Variants in SP1 observed in about 807,000 individuals in gnomAD.
SP1 encodes the protein Sp1 transcription factor, also known as transcription factor Sp1.
Under a neutral mutation model 66.3 loss-of-function variants are expected in SP1, and 6 were observed. The observed-to-expected ratio is 0.09, with a 90% CI of 0.05 to 0.18. SP1 has a LOEUF of 0.18. SP1 is among the 10% of genes least tolerant of loss of function. SP1 has a pLI of 1.00. For synonymous variants in SP1, 417 were observed against 360.8 expected, an observed-to-expected ratio of 1.16 and a Z score of -1.77; for missense variants, 848 against 964.5, an observed-to-expected ratio of 0.88 and a Z score of 1.60.
chr12:53,390,632 G>A (rs1592560217), intron 3 of SP1, among the ~76,000 whole-genome samples: 2 of 152,092 alleles, frequency 1.3e-5, no homozygotes, highest in South Asian at 2.1e-4. Context: ...GCAGTGAGCC[G>A]GGATCGCACC....
intron 3 of SP1, among the ~76,000 whole-genome samples, chr12:53,390,554 G>A (rs1592560169): frequency 6.6e-6 from 1 of 152,024 alleles, no homozygotes; most frequent in Admixed American, 6.6e-5. Context: ...ATGGCGGCGC[G>A]CACCTGTAGT....
intron 4 of SP1, among the ~76,000 whole-genome samples, chr12:53,407,951 T>A (rs1013270213): frequency 2.1e-5 from 3 of 143,418 alleles, no homozygotes; most frequent in Non-Finnish European, 3.0e-5. Flanking sequence ...TTTTTTTTTT[T>A]AAGACAGATC....
intron 2 of SP1, 74 bp from the exon 3 acceptor site, chr12:53,382,036 A>G (rs1330442156): frequency 6.3e-6 from 9 of 1,420,210 alleles, no homozygotes; most frequent in East Asian, 2.3e-5. Context: ...GTTGCTGTTT[A>G]TTTGTTGTAT....
chr12:53,406,624 G>T lies in SP1; in HGVS notation c.1715G>T (p.Gly572Val). 1 of 1,614,042 alleles carries T rather than the reference G, an allele frequency of 6.2e-7. No homozygotes were observed. The highest frequency in any genetic ancestry group is 8.5e-7 in the Non-Finnish European group (1 of 1,179,996). The change falls in exon 4 of 6, where the codon GGT (glycine) becomes GTT (valine). Residue 572 changes from glycine to valine, a missense_variant. By Grantham distance (109) the Gly-to-Val change is moderately radical. Transcript: ENST00000327443. The stretch of plus-strand genomic sequence containing the variant: ...CAGCTTGGTCTCCATGGGGCTGGTG[G>T]TGATGGAATACATGATGACACAGCA... ...GAQLGLHGAG[G>V]DGIHDDTAGG...
chr12:53,397,755 T>C (rs1357346540), intron 3 of SP1, among the ~76,000 whole-genome samples: 1 of 152,040 alleles, frequency 6.6e-6, no homozygotes, highest in Non-Finnish European at 1.5e-5. Flanking sequence ...GGTTTCACCA[T>C]GTTGGCCTGG....
chr12:53,388,548 A>G (rs899433014), intron 3 of SP1, among the ~76,000 whole-genome samples: 2 of 152,186 alleles, frequency 1.3e-5, no homozygotes, highest in Non-Finnish European at 2.9e-5. Flanking sequence ...TGAAGATCCA[A>G]GTTTTCTCCT....
intron 3 of SP1, among the ~76,000 whole-genome samples, chr12:53,402,128 T>C (rs945607193): frequency 2.0e-5 from 3 of 152,152 alleles, no homozygotes; most frequent in Non-Finnish European, 1.5e-5. Context: ...CTTAACCCTG[T>C]ACTCCAGTAC....
chr12:53,380,379 C>T, intron 1 of SP1, 81 bp downstream of exon 1: 4 of 1,228,344 alleles, frequency 3.3e-6, no homozygotes, highest in Non-Finnish European at 4.3e-6. Context: ...CGATCCCCGC[C>T]GTGAAGCGGG....
chr12:53,403,657 A>G (rs1938662412), intron 3 of SP1, among the ~76,000 whole-genome samples: 1 of 152,240 alleles, frequency 6.6e-6, no homozygotes, highest in South Asian at 2.1e-4. Context: ...GCCTTCCCAG[A>G]CATATTAAAT....
intron 3 of SP1, among the ~76,000 whole-genome samples, chr12:53,385,362 G>A (rs1403875907): frequency 2.6e-5 from 4 of 151,444 alleles, no homozygotes; most frequent in South Asian, 2.1e-4. Flanking sequence ...TTGGGAGGCC[G>A]AGGCGGGTGG....
At chr12:53,392,477 C>T (rs1007473563) in intron 3 of SP1, among the ~76,000 whole-genome samples, 89 of 150,126 alleles carry the variant, frequency 5.9e-4, no homozygotes, top group African/African-American at 2.1e-3. Context: ...CTGCCTCAGC[C>T]TCCCAAGTAG....
At position 53,412,966 on chromosome 12, in the gene SP1, GTA is replaced by G. The variant is rs1491330654; in HGVS notation, c.*1727_*1728del. 1.4e-5 allele frequency: 2 copies of G among 142,408 alleles called. No individual in the cohort carries two copies. The highest frequency in any genetic ancestry group is 3.1e-5 in the Non-Finnish European group (2 of 65,266). The allele number at this position is 142,408 out of a possible 1,614,324, so 8.8% of individuals were successfully genotyped here. A position where few individuals can be genotyped will look rare whatever the true frequency, so the allele number is the denominator to read the frequency against. ...TGTGTGTGTGTGTGTGTGTGTGTGT[GTA>G]ATCTGTTAGGTTGGGGATAGGTTTT... is the stretch of plus-strand genomic sequence containing the variant. On this transcript the variant is annotated 3_prime_UTR_variant, in exon 6 of 6. Coordinates refer to ENST00000327443, the MANE Select transcript of SP1 (RefSeq NM_138473.3).
At chr12:53,390,778 G>A (rs1398242142) in intron 3 of SP1, among the ~76,000 whole-genome samples, 1 of 152,114 alleles carries the variant, frequency 6.6e-6, no homozygotes, top group Non-Finnish European at 1.5e-5. Flanking sequence ...ATTCATTCCA[G>A]TGGCTTTCTC....
intron 4 of SP1, among the ~76,000 whole-genome samples, chr12:53,408,897 C>A (rs1255531243): frequency 6.6e-6 from 1 of 150,394 alleles, no homozygotes; most frequent in East Asian, 2.0e-4. Flanking sequence ...CAGAGCGAGA[C>A]TCCGTCTCAA....
chr12:53,405,434 C>T (rs993853552), intron 3 of SP1, among the ~76,000 whole-genome samples: 34 of 152,148 alleles, frequency 2.2e-4, no homozygotes, highest in African/African-American at 7.5e-4. Flanking sequence ...TTTCGAAGGC[C>T]GAGGCGGGTG....
chr12:53,408,822 C>T (rs1039178604), intron 4 of SP1, among the ~76,000 whole-genome samples: 2 of 151,854 alleles, frequency 1.3e-5, no homozygotes, highest in Non-Finnish European at 2.9e-5. Flanking sequence ...AGGAGAATGG[C>T]GTGAACCCGG....
rs555775552 is a variant in SP1 at position 53,406,197 on chromosome 12, A to G, written c.1676-388A>G. On this transcript the variant is annotated intron_variant, in intron 3 of 5. Transcript: ENST00000327443. Reference sequence around the variant, plus strand: ...GCAATTCTCCTGGCTCAGCCTTCCAAGGAGCTGGGATTACAGGCATGCGTA... The same window carrying G: ...GCAATTCTCCTGGCTCAGCCTTCCAGGGAGCTGGGATTACAGGCATGCGTA... Among the ~76,000 whole-genome samples the G allele has an allele frequency of 1.1e-4, 16 of 151,218 alleles. No individual in the cohort carries two copies. The East Asian group carries it at 2.9e-3, about 28-fold the overall frequency.
chr12:53,405,198 T>TG (rs1244304410), intron 3 of SP1, among the ~76,000 whole-genome samples: 1 of 152,090 alleles, frequency 6.6e-6, no homozygotes, highest in Non-Finnish European at 1.5e-5. Flanking sequence ...AGGCTGGTCT[T>TG]GAACTCCTAA....
chr12:53,380,492 G>C, intron 1 of SP1, 194 bp downstream of exon 1: 1 of 506,482 alleles, frequency 2.0e-6, no homozygotes, highest in Non-Finnish European at 3.0e-6. Context: ...GAGGGGGATG[G>C]GCCGCCCGCC....
Sources: gnomAD v4.1 joint callset for allele counts (sites outside exome capture counted in the v4.1 genomes callset) on GRCh38, gnomAD v4.1.1 for gene constraint, MANE v1.5 for transcripts, NCBI Gene and HGNC (gene_info 2026-07-23, HGNC 2026-07-21) for gene names.